Variants in CNTN5 observed in about 807,000 individuals in gnomAD.
CNTN5 encodes contactin-5.
CNTN5 carries 77 observed loss-of-function variants against 129.1 expected under a neutral mutation model. That is an observed-to-expected ratio of 0.60 (90% CI 0.50 to 0.72). CNTN5 has a LOEUF of 0.72. Among genes scored for constraint, CNTN5 ranks in the 30% least tolerant of loss-of-function variants. CNTN5 has a pLI of 0.00. For synonymous variants in CNTN5, 509 were observed against 465.6 expected, an observed-to-expected ratio of 1.09 and a Z score of -1.20; for missense variants, 1,478 against 1,328.8, an observed-to-expected ratio of 1.11 and a Z score of -1.75.
intron 7 of CNTN5, among the ~76,000 whole-genome samples, chr11:99,943,263 G>C (rs1039677068): frequency 3.3e-5 from 5 of 152,212 alleles, no homozygotes; most frequent in African/African-American, 1.2e-4. Flanking sequence ...TTGTGGTTTT[G>C]ATTTGCCCTT....
chr11:99,826,659 A>T (rs1383765481), intron 4 of CNTN5, among the ~76,000 whole-genome samples: 1 of 152,228 alleles, frequency 6.6e-6, no homozygotes, highest in Non-Finnish European at 1.5e-5. Context: ...GGGGTAAGAG[A>T]GAACACTCCT....
At chr11:99,608,828 A>ATG (rs2135723422) in intron 3 of CNTN5, among the ~76,000 whole-genome samples, 1 of 152,318 alleles carries the variant, frequency 6.6e-6, no homozygotes, top group Admixed American at 6.5e-5. Flanking sequence ...GACAAGAACA[A>ATG]TGTGTGTCTA....
intron 1 of CNTN5, among the ~76,000 whole-genome samples, chr11:99,244,339 T>A (rs1238820571): frequency 6.6e-6 from 1 of 152,164 alleles, no homozygotes; most frequent in Non-Finnish European, 1.5e-5. Flanking sequence ...TGTTTATCAG[T>A]TCCAGGAGAC....
At chr11:99,122,292 A>C (rs1237535562) in intron 1 of CNTN5, among the ~76,000 whole-genome samples, 1 of 152,182 alleles carries the variant, frequency 6.6e-6, no homozygotes, top group South Asian at 2.1e-4. Flanking sequence ...AGATATGTCT[A>C]ATGGCATATA....
intron 3 of CNTN5, among the ~76,000 whole-genome samples, chr11:99,706,382 G>A (rs1028142717): frequency 2.0e-5 from 3 of 151,308 alleles, no homozygotes; most frequent in African/African-American, 4.8e-5. Context: ...TTCATAGGTG[G>A]GTTTAAGTCA....
At chr11:99,893,452 G>T (rs1256238848) in intron 6 of CNTN5, among the ~76,000 whole-genome samples, 2 of 152,140 alleles carry the variant, frequency 1.3e-5, no homozygotes, top group Non-Finnish European at 2.9e-5. Context: ...TTTGCGTTCA[G>T]ATAGTAATTC....
chr11:99,752,696 T>C (rs532487130), intron 3 of CNTN5, among the ~76,000 whole-genome samples: 72 of 152,366 alleles, frequency 4.7e-4, no homozygotes, highest in Non-Finnish European at 9.1e-4. Context: ...ATTAAAATTC[T>C]GATTTCATAA....
chr11:99,675,620 G>A (rs1400216627), intron 3 of CNTN5, among the ~76,000 whole-genome samples: 1 of 152,130 alleles, frequency 6.6e-6, no homozygotes, highest in Non-Finnish European at 1.5e-5. Context: ...GGGAGGTGGA[G>A]GTTGCAGTGA....
intron 1 of CNTN5, among the ~76,000 whole-genome samples, chr11:99,219,658 A>G (rs1211591593): frequency 1.9e-5 from 2 of 103,084 alleles, no homozygotes; most frequent in Non-Finnish European, 3.9e-5. Flanking sequence ...TACTTTGAGT[A>G]AGATTAAAAA....
chr11:100,224,469 A>T (rs1162894327), intron 15 of CNTN5, among the ~76,000 whole-genome samples: 1 of 152,162 alleles, frequency 6.6e-6, no homozygotes, highest in African/African-American at 2.4e-5. Context: ...CTGCTAAATC[A>T]TTATATGCAA....
At chr11:99,205,747 A>G (rs575881923) in intron 1 of CNTN5, among the ~76,000 whole-genome samples, 90 of 152,292 alleles carry the variant, frequency 5.9e-4, no homozygotes, top group African/African-American at 1.7e-3. Flanking sequence ...ACATTTGACA[A>G]TGTATATCTA....
chr11:99,677,697 C>CTG (rs200639174), intron 3 of CNTN5, among the ~76,000 whole-genome samples: 7,446 of 152,138 alleles, frequency 0.049, 603 homozygotes, highest in African/African-American at 0.17. Context: ...TTGTTCAAAA[C>CTG]TGTTTATTTT....
At chr11:99,935,547 T>G (rs1412270943) in intron 7 of CNTN5, among the ~76,000 whole-genome samples, 2 of 152,040 alleles carry the variant, frequency 1.3e-5, no homozygotes, top group African/African-American at 4.8e-5. Context: ...GCAATGAACA[T>G]TAATAGAGAA....
chr11:100,319,696 C>G (rs533687520), intron 21 of CNTN5, among the ~76,000 whole-genome samples: 26 of 152,252 alleles, frequency 1.7e-4, no homozygotes, highest in African/African-American at 6.3e-4. Flanking sequence ...CAACTGCTCC[C>G]TAGTCCCAGC....
intron 3 of CNTN5, among the ~76,000 whole-genome samples, chr11:99,814,427 G>A (rs1180653049): frequency 1.3e-5 from 2 of 152,120 alleles, no homozygotes; most frequent in African/African-American, 4.8e-5. Context: ...AAATGGACCA[G>A]GAAAATGAAG....
At chr11:99,979,535 G>T (rs1938206188) in intron 8 of CNTN5, among the ~76,000 whole-genome samples, 1 of 152,064 alleles carries the variant, frequency 6.6e-6, no homozygotes, top group Non-Finnish European at 1.5e-5. Context: ...GTGTGAGGCA[G>T]GCTTCTATGA....
In CNTN5 at chr11:99,934,938, A is replaced by G. The variant is rs1270544214; in HGVS notation, c.673+18789A>G. ...TATATATATATATATATATATATAT[A>G]TATATATATACACACACATATATAT... On this transcript the variant is annotated intron_variant, in intron 7 of 24. Coordinates refer to ENST00000524871, the MANE Select transcript of CNTN5 (RefSeq NM_014361.4). Among the ~76,000 whole-genome samples the G allele has an allele frequency of 2.3e-4, 21 of 91,138 alleles. No homozygotes were observed. The East Asian group carries it at 3.9e-3, about 17-fold the overall frequency. 59.8% of individuals were successfully genotyped at this position (91,138 alleles called of 152,430 possible).
At chr11:100,275,307 A>C (rs1950485481) in intron 18 of CNTN5, among the ~76,000 whole-genome samples, 1 of 152,200 alleles carries the variant, frequency 6.6e-6, no homozygotes, top group African/African-American at 2.4e-5. Context: ...GGTGTTCATT[A>C]ATTAAGAGCA....
At chr11:100,027,641 C>G (rs1024882975) in intron 9 of CNTN5, among the ~76,000 whole-genome samples, 1 of 152,084 alleles carries the variant, frequency 6.6e-6, no homozygotes, top group Non-Finnish European at 1.5e-5. Context: ...AACACTCTTT[C>G]TCTGCACAGC....
Sources: allele counts gnomAD v4.1 joint callset (sites outside exome capture counted in the v4.1 genomes callset), GRCh38; gene constraint gnomAD v4.1.1; transcripts MANE v1.5; gene names NCBI Gene and HGNC (gene_info 2026-07-23, HGNC 2026-07-21).